The following LMO7 variants were observed in gnomAD, a reference collection of about 807,000 sequenced individuals.
LMO7 encodes LIM domain 7.
A neutral mutation model predicts 206.5 loss-of-function variants in LMO7; 120 were observed. The observed-to-expected ratio is 0.58, with a 90% CI of 0.50 to 0.68. The LOEUF (loss-of-function observed/expected upper bound fraction) is 0.68. Among genes scored for constraint, LMO7 ranks in the 30% least tolerant of loss-of-function variants. The pLI, the probability that LMO7 is intolerant of heterozygous loss-of-function variation, is 0.00. For missense variants in LMO7, 1,959 were observed against 1,957.9 expected (o/e 1.00, Z -0.01); for synonymous variants, 706 against 681.5 (o/e 1.04, Z -0.56).
At position 75,804,286 on chromosome 13, in the gene LMO7, T is replaced by C; in HGVS notation, c.662-3T>C. 1 of 1,610,228 alleles carries C rather than the reference T, an allele frequency of 6.2e-7. No homozygotes were observed. The highest frequency in any genetic ancestry group is 1.1e-5 in the South Asian group (1 of 90,944). On this transcript the variant is annotated splice_polypyrimidine_tract_variant and splice_region_variant and intron_variant, in intron 7 of 30. Coordinates refer to ENST00000377534, the MANE Select transcript of LMO7 (RefSeq NM_001306080.2). ...AAAGCAAATTCTTGTGCCTTCTTTA[T>C]AGGTTTTGAAAGTGACACAGATTCG...
intron 2 of LMO7, among the ~76,000 whole-genome samples, chr13:75,720,244 A>G (rs1414164261): frequency 6.6e-6 from 1 of 152,012 alleles, no homozygotes; most frequent in Non-Finnish European, 1.5e-5. Context: ...CCTTTTTCAG[A>G]TATGTCTTTT....
At chr13:75,766,513 C>G (rs928229453) in intron 4 of LMO7, among the ~76,000 whole-genome samples, 1 of 152,048 alleles carries the variant, frequency 6.6e-6, no homozygotes, top group Non-Finnish European at 1.5e-5. Flanking sequence ...CATATACTTA[C>G]ACAGACATAG....
intron 23 of LMO7, 46 bp from the exon 24 acceptor site, chr13:75,841,582 G>A: frequency 7.4e-7 from 1 of 1,352,944 alleles, no homozygotes; most frequent in Non-Finnish European, 1.0e-6. Flanking sequence ...TGAAATTACG[G>A]AAATAAACAG....
chr13:75,776,162 GATATATATATATATATATATATAT>G (rs58964680), intron 4 of LMO7, among the ~76,000 whole-genome samples: 6,810 of 36,946 alleles, frequency 0.18, 615 homozygotes, highest in Middle Eastern at 0.31. Context: ...ATATATATCG[GATATATATATATATATATATATAT>G]ATATATATAT....
At chr13:75,708,674 CAA>C (rs2042838167) in intron 1 of LMO7, among the ~76,000 whole-genome samples, 1 of 152,210 alleles carries the variant, frequency 6.6e-6, no homozygotes, top group Non-Finnish European at 1.5e-5. Context: ...GGGGAAAATT[CAA>C]AAGAGTTTCT....
intron 1 of LMO7, among the ~76,000 whole-genome samples, chr13:75,711,420 A>G (rs567369135): frequency 1.9e-3 from 283 of 152,276 alleles, no homozygotes; most frequent in Non-Finnish European, 3.2e-3. Flanking sequence ...CTGTGAATCC[A>G]TCTGGTCCTG....
At chr13:75,644,420 A>G (rs992325673) in intron 1 of LMO7, among the ~76,000 whole-genome samples, 2 of 152,164 alleles carry the variant, frequency 1.3e-5, no homozygotes, top group African/African-American at 4.8e-5. Context: ...GGCGCTGGCC[A>G]GGTAGTTCAT....
At chr13:75,759,522 T>C (rs1292665420) in intron 3 of LMO7, among the ~76,000 whole-genome samples, 2 of 152,216 alleles carry the variant, frequency 1.3e-5, no homozygotes, top group African/African-American at 4.8e-5. Flanking sequence ...TAAACACCTT[T>C]CATTGAGCTG....
intron 19 of LMO7, among the ~76,000 whole-genome samples, chr13:75,836,999 C>T (rs958013762): frequency 1.3e-5 from 2 of 152,128 alleles, no homozygotes; most frequent in Non-Finnish European, 2.9e-5. Flanking sequence ...AGCTAGCATA[C>T]ATCGTGTGCT....
At chr13:75,733,269 T>G (rs1566365887) in intron 3 of LMO7, among the ~76,000 whole-genome samples, 2 of 152,230 alleles carry the variant, frequency 1.3e-5, no homozygotes, top group Admixed American at 1.3e-4. Context: ...TGAGCTGTGG[T>G]GGGCTCCACC....
At chr13:75,724,313 A>G (rs1047449611) in intron 2 of LMO7, among the ~76,000 whole-genome samples, 5 of 152,264 alleles carry the variant, frequency 3.3e-5, no homozygotes, top group Non-Finnish European at 1.5e-5. Flanking sequence ...AACCAGGTTT[A>G]GGCTCTGGCC....
At chr13:75,803,521 TA>T (rs2055049820) in intron 7 of LMO7, among the ~76,000 whole-genome samples, 1 of 152,246 alleles carries the variant, frequency 6.6e-6, no homozygotes, top group Non-Finnish European at 1.5e-5. Flanking sequence ...CCTTTGTCTT[TA>T]AAAGAGTAGA....
intron 2 of LMO7, among the ~76,000 whole-genome samples, chr13:75,725,896 C>G (rs2044427307): frequency 6.6e-6 from 1 of 151,742 alleles, no homozygotes; most frequent in African/African-American, 2.4e-5. Context: ...GTTATTAAAT[C>G]AAGACTTTTG....
At chr13:75,845,058 T>C (rs1200170517) in intron 25 of LMO7, among the ~76,000 whole-genome samples, 3 of 152,196 alleles carry the variant, frequency 2.0e-5, no homozygotes, top group East Asian at 1.9e-4. Flanking sequence ...CAATAACTTA[T>C]AGTCTTCATC....
intron 1 of LMO7, among the ~76,000 whole-genome samples, chr13:75,701,697 C>G (rs904615133): frequency 6.6e-6 from 1 of 152,064 alleles, no homozygotes; most frequent in African/African-American, 2.4e-5. Context: ...GGATATTTTC[C>G]TTATTGTCTG....
At chr13:75,621,693 T>A (rs769710621) in exon 1 of LMO7, 1 of 1,575,996 alleles carries the variant, frequency 6.3e-7, no homozygotes, top group South Asian at 1.2e-5. Context: ...TTACAACTGC[T>A]ATGAAGAAAA....
At chr13:75,684,179 TA>T (rs1440345466) in intron 1 of LMO7, among the ~76,000 whole-genome samples, 1 of 152,214 alleles carries the variant, frequency 6.6e-6, no homozygotes, top group Non-Finnish European at 1.5e-5. Flanking sequence ...CTTAGAATTT[TA>T]TTTTTGGTGT....
intron 1 of LMO7, among the ~76,000 whole-genome samples, chr13:75,701,552 T>G (rs894404536): frequency 1.3e-5 from 2 of 152,224 alleles, no homozygotes; most frequent in African/African-American, 2.4e-5. Flanking sequence ...GAACCCATGA[T>G]TATATTAAGC....
chr13:75,856,372 C>CA (rs1566632177), intron 29 of LMO7, 134 bp from the exon 30 acceptor site: 1 of 582,854 alleles, frequency 1.7e-6, no homozygotes, highest in East Asian at 2.8e-5. Flanking sequence ...ATCTTTCGGC[C>CA]TTTTTTTTTC....
Sources: gnomAD v4.1 joint callset for allele counts (sites outside exome capture counted in the v4.1 genomes callset) on GRCh38, gnomAD v4.1.1 for gene constraint, MANE v1.5 for transcripts, NCBI Gene and HGNC (gene_info 2026-07-23, HGNC 2026-07-21) for gene names.